VIT: variants seen among roughly 807,000 people sequenced by gnomAD.
VIT encodes the protein vitrin.
In VIT, 99 loss-of-function variants were observed where a neutral mutation model predicts 78.0. The observed-to-expected ratio is 1.27, with a 90% CI of 1.08 to 1.50. VIT has a LOEUF of 1.50. Among genes scored for constraint, VIT ranks in the 40% most tolerant of loss-of-function variants. The pLI, the probability that VIT is intolerant of heterozygous loss-of-function variation, is 0.00. For synonymous variants in VIT, 374 were observed against 334.3 expected (o/e 1.12, Z -1.29); for missense variants, 1,126 against 875.3 (o/e 1.29, Z -3.61).
chr2:36,750,334 G>A (rs1668380703), intron 4 of VIT, among the ~76,000 whole-genome samples: 2 of 152,198 alleles, frequency 1.3e-5, no homozygotes, highest in African/African-American at 2.4e-5. Flanking sequence ...ACACACTCCA[G>A]TGTCTGTGTA....
intron 1 of VIT, among the ~76,000 whole-genome samples, chr2:36,698,221 T>TA (rs1664793840): frequency 2.6e-5 from 4 of 152,004 alleles, no homozygotes; most frequent in African/African-American, 7.2e-5. Context: ...GCCTCACCAC[T>TA]AAAAAAAATA....
chr2:36,793,473 C>G (rs1449051361), intron 12 of VIT, among the ~76,000 whole-genome samples: 1 of 152,210 alleles, frequency 6.6e-6, no homozygotes, highest in African/African-American at 2.4e-5. Flanking sequence ...CATAGCTGCT[C>G]TAGCAGAGCT....
rs149159814 is a variant in VIT at position 36,747,066 on chromosome 2, A to C, written c.275+3810A>C. On this transcript the variant is annotated intron_variant, in intron 4 of 15. Coordinates refer to ENST00000379242, the MANE Select transcript of VIT (RefSeq NM_053276.4). ...TAATTTCATTGTTTACCCAAAAGTC[A>C]TTCAGGAGTAGGTTGTTTAATTTCC... Among the ~76,000 whole-genome samples, 862 of 152,310 alleles carry C rather than the reference A, an allele frequency of 5.7e-3. 10 individuals are homozygous for C. Among genetic ancestry groups the C allele is most frequent in the African/African-American group, 0.019 (777 of 41,568 alleles).
chr2:36,808,373 C>A, intron 14 of VIT, 99 bp from the exon 15 acceptor site: 1 of 1,441,076 alleles, frequency 6.9e-7, no homozygotes, highest in Non-Finnish European at 9.2e-7. Context: ...AAAACAAGGG[C>A]CTGCTTGCTT....
intron 3 of VIT, among the ~76,000 whole-genome samples, chr2:36,734,383 G>C (rs10189264): frequency 0.13 from 19,826 of 151,964 alleles, 1,591 homozygotes; most frequent in East Asian, 0.24. Flanking sequence ...GGTAGTGTTG[G>C]TCAGTGATTA....
chr2:36,813,440 T>C (rs1280528495), intron 15 of VIT, among the ~76,000 whole-genome samples: 2 of 152,016 alleles, frequency 1.3e-5, no homozygotes, highest in East Asian at 3.9e-4. Context: ...CAGAGTGAGA[T>C]TCTGTCTCAA....
chr2:36,813,401 G>T (rs10200515), intron 15 of VIT, among the ~76,000 whole-genome samples: 4 of 151,858 alleles, frequency 2.6e-5, no homozygotes, highest in Admixed American at 2.6e-4. Context: ...GTGAGTGGAG[G>T]TCACACCATT....
At chr2:36,766,363 T>A (rs1367721647) in intron 6 of VIT, among the ~76,000 whole-genome samples, 1 of 113,964 alleles carries the variant, frequency 8.8e-6, no homozygotes, top group Non-Finnish European at 2.2e-5. Flanking sequence ...ATGCTTTCTC[T>A]ACAAAAAAAA....
In VIT at chr2:36,794,306, A is replaced by T. The variant is rs1665709042; in HGVS notation, c.1059-6995A>T. On this transcript the variant is annotated intron_variant, in intron 12 of 15. Coordinates refer to ENST00000379242, the MANE Select transcript of VIT (RefSeq NM_053276.4). ...CTCTATGTTTTCTTCTCTTATTTTC[A>T]AAGGAAATCTTTGATATTCCCTAGA... 2.1e-5 allele frequency among the ~76,000 whole-genome samples: 3 copies of T among 144,422 alleles called. No individual in the cohort carries two copies. In the Admixed American group the frequency reaches 2.2e-4, roughly 11 times the overall value. The allele number at this position is 144,422 out of a possible 152,430, so 94.7% of individuals were successfully genotyped here. A position where few individuals can be genotyped will look rare whatever the true frequency, so the allele number is the denominator to read the frequency against.
chr2:36,752,762 G>C (rs1668540040), intron 4 of VIT, among the ~76,000 whole-genome samples: 1 of 152,204 alleles, frequency 6.6e-6, no homozygotes, highest in Non-Finnish European at 1.5e-5. Flanking sequence ...CTCTCACAGA[G>C]TGTGAATTAG....
At chr2:36,785,092 A>T (rs1204289808) in intron 11 of VIT, among the ~76,000 whole-genome samples, 1 of 152,242 alleles carries the variant, frequency 6.6e-6, no homozygotes, top group African/African-American at 2.4e-5. Context: ...ATATCCATGT[A>T]CTTTATTCAT....
intron 4 of VIT, among the ~76,000 whole-genome samples, chr2:36,746,049 G>C (rs1668114375): frequency 6.6e-6 from 1 of 152,006 alleles, no homozygotes; most frequent in African/African-American, 2.4e-5. Flanking sequence ...CTTTTTCTGT[G>C]TCTATTGAGA....
chr2:36,793,399 A>G (rs1227111942), intron 12 of VIT, among the ~76,000 whole-genome samples: 1 of 152,192 alleles, frequency 6.6e-6, no homozygotes, highest in African/African-American at 2.4e-5. Flanking sequence ...GTTCCCATTC[A>G]TCGAGGGCTA....
chr2:36,803,859 T>C (rs1666511495), intron 13 of VIT, among the ~76,000 whole-genome samples: 1 of 152,176 alleles, frequency 6.6e-6, no homozygotes, highest in Admixed American at 6.5e-5. Context: ...CTATGGCCCT[T>C]CTATCCAGAC....
intron 1 of VIT, among the ~76,000 whole-genome samples, chr2:36,703,909 G>GTTTTTTT (rs770921016): frequency 8.6e-6 from 1 of 116,492 alleles, no homozygotes. Flanking sequence ...TTTGTTTGGG[G>GTTTTTTT]TTTTTTTTTG....
intron 2 of VIT, among the ~76,000 whole-genome samples, chr2:36,723,436 G>C (rs1231952011): frequency 6.6e-6 from 1 of 152,104 alleles, no homozygotes; most frequent in East Asian, 1.9e-4. Flanking sequence ...ACAGTGTTCA[G>C]GGAAGCCCTA....
At chr2:36,728,299 A>G (rs1370307474) in intron 2 of VIT, among the ~76,000 whole-genome samples, 1 of 152,194 alleles carries the variant, frequency 6.6e-6, no homozygotes, top group African/African-American at 2.4e-5. Flanking sequence ...AAAAAAAGTT[A>G]TAACATTTAA....
rs758452109 is a variant in VIT, at chr2:36,726,818, C to CAAAAA, written c.53-2587_53-2583dup. On this transcript the variant is annotated intron_variant, in intron 2 of 15. Transcript: ENST00000379242. ...TGGGCAACAGAGTGGGACTCTGTCT[C>CAAAAA]AAAAAAAAAAAAAAAAAAAAAAAAA... Among the ~76,000 whole-genome samples the CAAAAA allele has an allele frequency of 1.1e-3, 120 of 111,584 alleles. 1 individual carries two copies. The highest frequency in any genetic ancestry group is 4.1e-3 in the African/African-American group (104 of 25,130). The allele number at this position is 111,584 out of a possible 152,430, so 73.2% of individuals were successfully genotyped here.
chr2:36,710,679 A>G (rs7355713), intron 1 of VIT, among the ~76,000 whole-genome samples: 151,972 of 152,316 alleles, frequency 1, 75,815 homozygotes, highest in Middle Eastern at 1. Flanking sequence ...CTGTCTGACT[A>G]CTTTCATTTA....
Sources: allele counts gnomAD v4.1 joint callset (sites outside exome capture counted in the v4.1 genomes callset), GRCh38; gene constraint gnomAD v4.1.1; transcripts MANE v1.5; gene names NCBI Gene and HGNC (gene_info 2026-07-23, HGNC 2026-07-21).